Variants in ENDOU observed in about 807,000 individuals in gnomAD.
The protein encoded by ENDOU is uridylate-specific endoribonuclease.
ENDOU carries 49 observed loss-of-function variants against 54.2 expected under a neutral mutation model. That is an observed-to-expected ratio of 0.90 (90% CI 0.72 to 1.15). The LOEUF is 1.15. ENDOU is among the 50% of genes most tolerant of loss of function. The probability of loss-of-function intolerance (pLI) is 0.00; values close to 1 mark genes in which losing one functional copy is unlikely to be tolerated. For synonymous variants in ENDOU, 172 were observed against 190.5 expected (o/e 0.90, Z 0.80); for missense variants, 458 against 511.4 (o/e 0.90, Z 1.01).
chr12:47,719,902 A>G (rs1438218586), intron 2 of ENDOU: 1 of 152,350 alleles, frequency 6.6e-6, no homozygotes, highest in East Asian at 1.9e-4. Flanking sequence ...CTCTCAGCAG[A>G]CACAACTCTT....
chr12:47,719,473 C>G (rs916460528), intron 2 of ENDOU: 2 of 152,136 alleles, frequency 1.3e-5, no homozygotes, highest in Non-Finnish European at 2.9e-5. Context: ...TGAATGGTAG[C>G]TCACATAATT....
At chr12:47,712,696 C>T (rs1046087198) in intron 7 of ENDOU, 74 bp from the exon 8 acceptor site, 2 of 1,103,266 alleles carry the variant, frequency 1.8e-6, no homozygotes, top group African/African-American at 1.5e-5. Context: ...TTCTCCACCC[C>T]ATGCCAAGGC....
Position 47,716,366 on chromosome 12 carries a change from C to A in ENDOU, c.685G>T (p.Ala229Ser). 1 of 1,614,188 alleles carries A rather than the reference C, an allele frequency of 6.2e-7. No homozygotes were observed. The highest frequency in any genetic ancestry group is 8.5e-7 in the Non-Finnish European group (1 of 1,180,042). ...GTCTTCATGATCTCTCTGAGGAAGG[C>A]GTCCTGCTCGGCCAGCTCCTGGGCA... Reference protein sequence around the residue: ...FSAQELAEQDAFLREIMKTAV... With the variant: ...FSAQELAEQDSFLREIMKTAV... Residue 229 changes from alanine (A) to serine (S), a missense_variant, in exon 6 of 10, where the codon GCC becomes TCC. Transcript: ENST00000422538.
Position 47,712,551 on chromosome 12 carries a change from G to T in ENDOU, c.937C>A (p.Leu313Met), listed in dbSNP as rs1413127505. 1.9e-6 allele frequency: 3 copies of T among 1,614,016 alleles called. No individual in the cohort carries two copies. The highest frequency in any genetic ancestry group is 1.3e-5 in the African/African-American group (1 of 74,920). The change falls in exon 8 of 10, where the codon CTG (leucine) becomes ATG (methionine). Residue 313 changes from leucine (L) to methionine (M), a missense_variant. Leu to Met is a conservative substitution (Grantham distance 15). Transcript: ENST00000422538. ...IRFYLEEKEG[L>M]VDYYSHIYDG... is the part of the protein sequence containing the mutation. ...TAGATGTGACTGTAATAGTCAACCA[G>T]ACCCTCCTTCTCCTCCAGGTAGAAG...
chr12:47,720,908 A>G lies in ENDOU; in HGVS notation c.56-33T>C, dbSNP rs771813112. 55 of 1,534,924 alleles carry G rather than the reference A, an allele frequency of 3.6e-5. No homozygotes were observed. The Admixed American group carries it at 4.7e-4, about 13-fold the overall frequency. ...CAGTAAAGGTCACCAACTCAGCTCT[A>G]TGGAGACCCTGTTCTCCCCAGGGTG... On this transcript the variant is annotated intron_variant, in intron 1 of 9. Coordinates refer to ENST00000422538, the MANE Select transcript of ENDOU (RefSeq NM_001172439.2).
Position 47,710,875 on chromosome 12 carries a change from T to A in ENDOU, c.1160A>T (p.Tyr387Phe). The A allele has an allele frequency of 6.2e-7, 1 of 1,614,122 alleles. No homozygotes were observed. The highest frequency in any genetic ancestry group is 8.5e-7 in the Non-Finnish European group (1 of 1,179,998). The change falls in exon 10 of 10, where the codon TAT (tyrosine) becomes TTT (phenylalanine). Residue 387 changes from tyrosine (Y) to phenylalanine (F), a missense_variant. Coordinates refer to ENST00000422538, the MANE Select transcript of ENDOU (RefSeq NM_001172439.2). ...CCCATAGGTGGACTTGTCCCAGGTA[T>A]ATGTCCGGACAGCTAAGGGATATCC... Reference protein sequence around the residue: ...LGGYPLAVRTYTWDKSTYGNG... With the variant: ...LGGYPLAVRTFTWDKSTYGNG...
In ENDOU at chr12:47,718,212, A is replaced by T. The variant is rs1259972524; in HGVS notation, c.179-18T>A. On this transcript the variant is annotated intron_variant, in intron 2 of 9. Coordinates refer to ENST00000422538, the MANE Select transcript of ENDOU (RefSeq NM_001172439.2). ...GTGGTCCTCTGCAGGTAGATAGAAA[A>T]ATAAAGTCACCAACAACCTGAGAAT... 1.3e-6 allele frequency: 2 copies of T among 1,563,524 alleles called. No individual in the cohort carries two copies. The highest frequency in any genetic ancestry group is 2.3e-5 in the South Asian group (2 of 85,200).
chr12:47,710,962 C>T (rs768127075), intron 9 of ENDOU, 43 bp from the exon 10 acceptor site: 2 of 1,376,148 alleles, frequency 1.5e-6, no homozygotes, highest in Non-Finnish European at 2.1e-6. Flanking sequence ...CCCCACTTCA[C>T]GCTGCCTCTC....
At chr12:47,724,651 A>C in intron 1 of ENDOU, among the ~76,000 whole-genome samples, 1 of 150,526 alleles carries the variant, frequency 6.6e-6, no homozygotes, top group Non-Finnish European at 1.5e-5. Flanking sequence ...CTTCCCACCC[A>C]CCCACTAGCT....
At chr12:47,723,795 C>A (rs761117742) in intron 1 of ENDOU, among the ~76,000 whole-genome samples, 1 of 152,062 alleles carries the variant, frequency 6.6e-6, no homozygotes, top group African/African-American at 2.4e-5. Flanking sequence ...CCTAGTCAAC[C>A]AAGAAGCCTC....
At chr12:47,722,257 T>G (rs927071819) in intron 1 of ENDOU, among the ~76,000 whole-genome samples, 32 of 152,264 alleles carry the variant, frequency 2.1e-4, no homozygotes, top group African/African-American at 7.7e-4. Context: ...GATTCTGGGA[T>G]TAAGGTTGAT....
Position 47,710,779 on chromosome 12 carries a change from C to T in ENDOU, c.*23G>A. On this transcript the variant is annotated 3_prime_UTR_variant, in exon 10 of 10. Transcript: ENST00000422538. ...CTTCAGTCTCGCAAGAGCCCTCATG[C>T]CCCTTTCTGGCTCGAAGTTCTATTA... is the stretch of plus-strand genomic sequence containing the variant. 1.3e-6 allele frequency: 2 copies of T among 1,531,050 alleles called. No homozygotes were observed. Among genetic ancestry groups the T allele is most frequent in the Non-Finnish European group, 1.8e-6 (2 of 1,103,940 alleles). 94.8% of individuals were successfully genotyped at this position (1,531,050 alleles called of 1,614,324 possible). A position where few individuals can be genotyped will look rare whatever the true frequency, so the allele number is the denominator to read the frequency against.
rs775147338 is a variant in ENDOU, at chr12:47,717,614, C to T, written c.286G>A (p.Glu96Lys). 6.8e-6 allele frequency: 11 copies of T among 1,614,170 alleles called. No individual in the cohort carries two copies. The highest frequency in any genetic ancestry group is 6.6e-5 in the South Asian group (6 of 91,080). Residue 96 changes from glutamate (E) to lysine (K), a missense_variant, in exon 4 of 10, where the codon GAA becomes AAA. Glu to Lys is a moderately conservative substitution (Grantham distance 56). Coordinates refer to ENST00000422538, the MANE Select transcript of ENDOU (RefSeq NM_001172439.2). ...CATTGGTGGTGCTTGTCAAAGGCTTCGTAGCAGCGGCCCTGGCAGGAGGTG... is the reference window on the plus strand; with the variant it reads ...CATTGGTGGTGCTTGTCAAAGGCTTTGTAGCAGCGGCCCTGGCAGGAGGTG... ...APTSCQGRCY[E>K]AFDKHHQCHC...
chr12:47,715,996 C>T (rs1940214259), intron 6 of ENDOU, among the ~76,000 whole-genome samples: 1 of 152,022 alleles, frequency 6.6e-6, no homozygotes, highest in African/African-American at 2.4e-5. Context: ...TGAGGGGAGG[C>T]TCACACCTGG....
At chr12:47,724,157 G>A (rs1329358308) in intron 1 of ENDOU, among the ~76,000 whole-genome samples, 2 of 152,162 alleles carry the variant, frequency 1.3e-5, no homozygotes, top group South Asian at 2.1e-4. Flanking sequence ...CCCTAAGGCT[G>A]GAATATGCCA....
chr12:47,711,594 C>A, intron 9 of ENDOU, 39 bp downstream of exon 9: 1 of 1,600,696 alleles, frequency 6.2e-7, no homozygotes, highest in Non-Finnish European at 8.5e-7. Context: ...CAGCCTGCAG[C>A]CCCAGTCTGC....
At position 47,710,760 on chromosome 12, in the gene ENDOU, T is replaced by C. The variant is rs1312365256; in HGVS notation, c.*42A>G. The C allele has an allele frequency of 7.5e-7, 1 of 1,329,876 alleles. No individual in the cohort carries two copies. 82.4% of individuals were successfully genotyped at this position (1,329,876 alleles called of 1,614,324 possible). On this transcript the variant is annotated 3_prime_UTR_variant, in exon 10 of 10. Coordinates refer to ENST00000422538, the MANE Select transcript of ENDOU (RefSeq NM_001172439.2). ...TAGTCCAGAGAAGATAGCACTTCAG[T>C]CTCGCAAGAGCCCTCATGCCCCTTT...
chr12:47,713,746 G>C (rs1025469195), intron 6 of ENDOU, among the ~76,000 whole-genome samples: 4 of 150,378 alleles, frequency 2.7e-5, no homozygotes, highest in Non-Finnish European at 5.9e-5. Context: ...TTGGCGGGGG[G>C]GGGGGGTCTT....
chr12:47,712,532 T>C lies in ENDOU; in HGVS notation c.956A>G (p.His319Arg). Residue 319 changes from histidine (H) to arginine (R), a missense_variant, in exon 8 of 10, where the codon CAC becomes CGC. His to Arg is a conservative substitution (Grantham distance 29). Coordinates refer to ENST00000422538, the MANE Select transcript of ENDOU (RefSeq NM_001172439.2). ...TGTACTCACAGGCCCATCGTAGATGTGACTGTAATAGTCAACCAGACCCTC... is the reference window on the plus strand; with the variant it reads ...TGTACTCACAGGCCCATCGTAGATGCGACTGTAATAGTCAACCAGACCCTC... ...EKEGLVDYYS[H>R]IYDGPWDSYP... The C allele has an allele frequency of 6.2e-7, 1 of 1,612,384 alleles. No homozygotes were observed. Among genetic ancestry groups the C allele is most frequent in the South Asian group, 1.1e-5 (1 of 91,044 alleles).
Sources: gnomAD v4.1 joint callset for allele counts (sites outside exome capture counted in the v4.1 genomes callset) on GRCh38, gnomAD v4.1.1 for gene constraint, MANE v1.5 for transcripts, NCBI Gene and HGNC (gene_info 2026-07-23, HGNC 2026-07-21) for gene names.